Variants in KCNAB1 observed in about 807,000 individuals in gnomAD.
KCNAB1 encodes potassium voltage-gated channel subfamily A regulatory beta subunit 1.
In KCNAB1, 35 loss-of-function variants were observed where a neutral mutation model predicts 64.6. The ratio of observed to expected loss-of-function variants is 0.54; its 90% CI spans 0.41 to 0.72. The LOEUF (loss-of-function observed/expected upper bound fraction) is 0.72, where lower values mean the gene tolerates loss of function less well. KCNAB1 is among the 30% of genes least tolerant of loss of function. KCNAB1 has a pLI of 0.00. For missense variants in KCNAB1, 401 were observed against 512.9 expected (o/e 0.78, Z 2.11); for synonymous variants, 177 against 183.8 (o/e 0.96, Z 0.30).
chr3:156,424,234 G>A (rs1365545693), intron 2 of KCNAB1, among the ~76,000 whole-genome samples: 1 of 152,152 alleles, frequency 6.6e-6, no homozygotes, highest in Non-Finnish European at 1.5e-5. Context: ...AGTGACCAGG[G>A]TGGGTCAGCA....
At chr3:156,217,039 G>C (rs781723594) in intron 1 of KCNAB1, 1 of 152,224 alleles carries the variant, frequency 6.6e-6, no homozygotes, top group Non-Finnish European at 1.5e-5. Context: ...GGCAAGGCAG[G>C]CTGTAGAGAT....
At chr3:156,486,957 C>G (rs897835685) in intron 8 of KCNAB1, among the ~76,000 whole-genome samples, 2 of 152,078 alleles carry the variant, frequency 1.3e-5, no homozygotes, top group East Asian at 1.9e-4. Flanking sequence ...CCAAAGGATA[C>G]TTGCTCTACT....
intron 1 of KCNAB1, among the ~76,000 whole-genome samples, chr3:156,405,646 C>T (rs140837807): frequency 2.0e-3 from 305 of 152,096 alleles, no homozygotes; most frequent in East Asian, 0.012. Flanking sequence ...TTTTTATCTA[C>T]GCATTTTTAA....
At chr3:156,235,393 T>C (rs1224576463) in intron 1 of KCNAB1, among the ~76,000 whole-genome samples, 2 of 152,240 alleles carry the variant, frequency 1.3e-5, no homozygotes, top group African/African-American at 2.4e-5. Context: ...TATAGTCTCA[T>C]GTTGCTCGAC....
intron 5 of KCNAB1, 34 bp downstream of exon 5, chr3:156,459,905 A>G: frequency 6.5e-7 from 1 of 1,530,730 alleles, no homozygotes; most frequent in Non-Finnish European, 9.0e-7. Flanking sequence ...TGTTTTTAAA[A>G]AGGTATTATT....
intron 1 of KCNAB1, among the ~76,000 whole-genome samples, chr3:156,222,223 G>A (rs189419679): frequency 6.6e-6 from 1 of 152,254 alleles, no homozygotes; most frequent in Non-Finnish European, 1.5e-5. Context: ...AAGGTAAAGG[G>A]GGGCGGGAAG....
At chr3:156,219,399 C>G (rs983874892) in intron 1 of KCNAB1, among the ~76,000 whole-genome samples, 7 of 151,826 alleles carry the variant, frequency 4.6e-5, no homozygotes, top group Non-Finnish European at 8.8e-5. Context: ...TTAACCTAAT[C>G]CGTCAAAGAC....
At chr3:156,448,220 G>T (rs1260409195) in intron 2 of KCNAB1, among the ~76,000 whole-genome samples, 1 of 152,186 alleles carries the variant, frequency 6.6e-6, no homozygotes, top group Non-Finnish European at 1.5e-5. Flanking sequence ...ACAATTGTCA[G>T]TTTAGTAAAA....
At chr3:156,387,155 A>G (rs1712679265) in intron 1 of KCNAB1, among the ~76,000 whole-genome samples, 1 of 152,038 alleles carries the variant, frequency 6.6e-6, no homozygotes, top group Non-Finnish European at 1.5e-5. Flanking sequence ...TGATTGACAC[A>G]GGGATGAAGT....
At chr3:156,246,896 C>T (rs1216152209) in intron 1 of KCNAB1, among the ~76,000 whole-genome samples, 1 of 152,102 alleles carries the variant, frequency 6.6e-6, no homozygotes, top group East Asian at 1.9e-4. Context: ...TGCTCTGTAA[C>T]CTTTTGCTTC....
intron 1 of KCNAB1, among the ~76,000 whole-genome samples, chr3:156,223,489 C>T (rs1231898788): frequency 6.6e-6 from 1 of 152,144 alleles, no homozygotes; most frequent in African/African-American, 2.4e-5. Context: ...CACAAAAGTG[C>T]TCCAAGTCCC....
At chr3:156,443,781 C>CA (rs764532778) in intron 2 of KCNAB1, among the ~76,000 whole-genome samples, 2 of 146,854 alleles carry the variant, frequency 1.4e-5, no homozygotes, top group African/African-American at 5.1e-5. Context: ...CACACACACA[C>CA]TATTCTTTAC....
chr3:156,248,463 A>G (rs756720642), intron 1 of KCNAB1, among the ~76,000 whole-genome samples: 17 of 128,538 alleles, frequency 1.3e-4, no homozygotes, highest in Admixed American at 4.6e-4. Flanking sequence ...GGAGGCCTGT[A>G]ATGAGATTTT....
chr3:156,187,646 C>A (rs1207355916), intron 1 of KCNAB1, among the ~76,000 whole-genome samples: 1 of 152,230 alleles, frequency 6.6e-6, no homozygotes, highest in Non-Finnish European at 1.5e-5. Context: ...ATTGACTCCA[C>A]TTCCTAATGA....
intron 8 of KCNAB1, among the ~76,000 whole-genome samples, chr3:156,501,038 T>C (rs573073116): frequency 6.6e-6 from 1 of 152,342 alleles, no homozygotes; most frequent in East Asian, 1.9e-4. Flanking sequence ...CCGTCTCTAC[T>C]AGAGGCCGCT....
At position 156,538,227 on chromosome 3, in the gene KCNAB1, A is replaced by G. The variant is rs1164628552; in HGVS notation, c.*1480A>G. 9 of 151,860 alleles carry G rather than the reference A, an allele frequency of 5.9e-5. No homozygotes were observed. Among genetic ancestry groups the G allele is most frequent in the Non-Finnish European group, 1.3e-4 (9 of 67,998 alleles). 9.4% of individuals were successfully genotyped at this position (151,860 alleles called of 1,614,324 possible). ...TGAGGATGTACAAAATTCTCATTTA[A>G]TTTTCTGGTCAGCAAGTTCCCCACA... On this transcript the variant is annotated 3_prime_UTR_variant, in exon 14 of 14. Transcript: ENST00000490337.
At chr3:156,443,744 AC>A (rs1717180786) in intron 2 of KCNAB1, among the ~76,000 whole-genome samples, 1 of 96,852 alleles carries the variant, frequency 1.0e-5, no homozygotes. Context: ...GTCCTTACAC[AC>A]ACACACACAC....
intron 1 of KCNAB1, chr3:156,143,398 G>T (rs1351696385): frequency 6.3e-7 from 1 of 1,594,368 alleles, no homozygotes; most frequent in South Asian, 1.2e-5. Context: ...AACCACCAGA[G>T]CAGAGACGGG....
chr3:156,531,742 C>T (rs951139192), intron 13 of KCNAB1, among the ~76,000 whole-genome samples: 7 of 152,208 alleles, frequency 4.6e-5, no homozygotes, highest in East Asian at 1.9e-4. Context: ...CAGTGTTATA[C>T]GTGGCAACTG....
Sources: gnomAD v4.1 joint callset for allele counts (sites outside exome capture counted in the v4.1 genomes callset) on GRCh38, gnomAD v4.1.1 for gene constraint, MANE v1.5 for transcripts, NCBI Gene and HGNC (gene_info 2026-07-23, HGNC 2026-07-21) for gene names.